The following WDFY4 variants were observed in gnomAD, a reference collection of about 807,000 sequenced individuals.
The protein encoded by WDFY4 is WD repeat- and FYVE domain-containing protein 4.
Under a neutral mutation model 351.9 loss-of-function variants are expected in WDFY4, and 169 were observed. That is an observed-to-expected ratio of 0.48 (90% CI 0.42 to 0.55). The LOEUF (loss-of-function observed/expected upper bound fraction) is 0.55. Ranked by LOEUF, WDFY4 falls within the 20% of genes least tolerant of loss-of-function variation. The pLI, the probability that WDFY4 is intolerant of heterozygous loss-of-function variation, is 0.00. For synonymous variants in WDFY4, 1,622 were observed against 1,574.6 expected (o/e 1.03, Z -0.71); for missense variants, 3,803 against 3,935.6 (o/e 0.97, Z 0.90).
chr10:48,886,647 C>T (rs535355475), intron 43 of WDFY4, among the ~76,000 whole-genome samples: 1 of 152,306 alleles, frequency 6.6e-6, no homozygotes, highest in African/African-American at 2.4e-5. Flanking sequence ...TCCACCAGAA[C>T]CAATAGCCAA....
chr10:48,872,180 C>A (rs950515309), intron 40 of WDFY4, among the ~76,000 whole-genome samples: 4 of 152,224 alleles, frequency 2.6e-5, no homozygotes, highest in African/African-American at 9.6e-5. Context: ...GTTATGAGAA[C>A]AATTTACTCA....
intron 9 of WDFY4, among the ~76,000 whole-genome samples, chr10:48,733,679 TGGG>T (rs964698917): frequency 3.9e-5 from 6 of 152,190 alleles, no homozygotes; most frequent in African/African-American, 1.4e-4. Flanking sequence ...TCAGAAATTC[TGGG>T]GATGGGACCC....
chr10:48,723,390 T>A, intron 4 of WDFY4, 43 bp from the exon 5 acceptor site: 1 of 1,543,088 alleles, frequency 6.5e-7, no homozygotes, highest in South Asian at 1.2e-5. Context: ...GACCTGCTTC[T>A]GCTGCCTTGC....
intron 25 of WDFY4, 114 bp from the exon 26 acceptor site, chr10:48,805,146 T>C: frequency 8.3e-7 from 1 of 1,211,762 alleles, no homozygotes. Flanking sequence ...AAGAGAGCAT[T>C]GGAGTTAAGG....
chr10:48,817,536 C>A, intron 32 of WDFY4, 127 bp downstream of exon 32: 1 of 1,208,790 alleles, frequency 8.3e-7, no homozygotes. Flanking sequence ...TTGAGCGGAA[C>A]ATTGAATAAG....
At chr10:48,916,677 C>T (rs1353943170) in intron 47 of WDFY4, among the ~76,000 whole-genome samples, 1 of 152,150 alleles carries the variant, frequency 6.6e-6, no homozygotes, top group African/African-American at 2.4e-5. Flanking sequence ...GAGATTGCAA[C>T]AGGGAAGAAA....
intron 51 of WDFY4, among the ~76,000 whole-genome samples, chr10:48,956,417 T>A (rs1841592767): frequency 6.6e-6 from 1 of 152,182 alleles, no homozygotes; most frequent in Admixed American, 6.5e-5. Flanking sequence ...CAGAGTCTCC[T>A]TCCTGCCCAC....
intron 12 of WDFY4, among the ~76,000 whole-genome samples, chr10:48,752,098 G>T (rs894913160): frequency 6.6e-6 from 1 of 152,202 alleles, no homozygotes; most frequent in African/African-American, 2.4e-5. Context: ...TGGGGGATCA[G>T]TGTCTGCCAT....
intron 28 of WDFY4, among the ~76,000 whole-genome samples, chr10:48,808,625 T>C (rs1402036522): frequency 6.6e-6 from 1 of 152,260 alleles, no homozygotes; most frequent in Non-Finnish European, 1.5e-5. Context: ...GCATCTGGGC[T>C]TGGGGGTAAA....
At chr10:48,905,970 A>G (rs772675543) in intron 47 of WDFY4, among the ~76,000 whole-genome samples, 2 of 152,148 alleles carry the variant, frequency 1.3e-5, no homozygotes, top group African/African-American at 2.4e-5. Flanking sequence ...TGCCAGCCCA[A>G]TTGTGGCTTC....
intron 47 of WDFY4, among the ~76,000 whole-genome samples, chr10:48,915,417 ATT>A (rs11413657): frequency 8.1e-5 from 12 of 147,740 alleles, no homozygotes; most frequent in African/African-American, 3.0e-4. Flanking sequence ...CTGCTTGCTG[ATT>A]TTTTTTTTTG....
At chr10:48,945,999 G>A (rs527624442) in intron 49 of WDFY4, 41 bp from the exon 50 acceptor site, 23 of 1,360,140 alleles carry the variant, frequency 1.7e-5, no homozygotes, top group African/African-American at 3.0e-5. Context: ...GGGCACAAGC[G>A]GGTCTGGGGA....
At chr10:48,902,727 TGTA>T (rs1005419835) in intron 47 of WDFY4, among the ~76,000 whole-genome samples, 1 of 151,340 alleles carries the variant, frequency 6.6e-6, no homozygotes, top group African/African-American at 2.4e-5. Flanking sequence ...TAATTATAAG[TGTA>T]AGTGTAAAAA....
intron 51 of WDFY4, among the ~76,000 whole-genome samples, chr10:48,956,484 C>G (rs1242926097): frequency 6.6e-6 from 1 of 152,182 alleles, no homozygotes; most frequent in Non-Finnish European, 1.5e-5. Context: ...GGGCCCTCCC[C>G]TAGCGAGCTC....
At chr10:48,741,452 CAAAAAAAAAA>C (rs55984300) in intron 11 of WDFY4, among the ~76,000 whole-genome samples, 2 of 66,306 alleles carry the variant, frequency 3.0e-5, no homozygotes, top group African/African-American at 6.8e-5. Flanking sequence ...GACTCCGTCT[CAAAAAAAAAA>C]AAAAAAAAAA....
At chr10:48,975,080 C>T (rs373330224) in intron 58 of WDFY4, 39 bp downstream of exon 58, 21 of 1,551,300 alleles carry the variant, frequency 1.4e-5, no homozygotes, top group East Asian at 7.3e-5. Context: ...TCCTCACCTT[C>T]GCAGTAGCAT....
At chr10:48,803,198 C>T in intron 24 of WDFY4, 88 bp from the exon 25 acceptor site, 1 of 1,280,632 alleles carries the variant, frequency 7.8e-7, no homozygotes, top group Middle Eastern at 1.8e-4. Flanking sequence ...CAGAGGATCA[C>T]CTGTCCAGCA....
At chr10:48,733,002 T>C (rs2064519503) in intron 9 of WDFY4, among the ~76,000 whole-genome samples, 1 of 152,244 alleles carries the variant, frequency 6.6e-6, no homozygotes, top group Non-Finnish European at 1.5e-5. Flanking sequence ...CTTCTGTCCT[T>C]AAATCCCATC....
chr10:48,763,968 C>G, intron 13 of WDFY4, among the ~76,000 whole-genome samples: 1 of 152,190 alleles, frequency 6.6e-6, no homozygotes, highest in South Asian at 2.1e-4. Flanking sequence ...CAGGCCTCCG[C>G]AGGTTTTGGT....
Sources: gnomAD v4.1 joint callset for allele counts (sites outside exome capture counted in the v4.1 genomes callset) on GRCh38, gnomAD v4.1.1 for gene constraint, MANE v1.5 for transcripts, NCBI Gene and HGNC (gene_info 2026-07-23, HGNC 2026-07-21) for gene names.